Variants in LINGO2 observed in about 807,000 individuals in gnomAD.
LINGO2 encodes leucine rich repeat and Ig domain containing 2.
A neutral mutation model predicts 30.6 loss-of-function variants in LINGO2; 14 were observed. The observed-to-expected ratio is 0.46, with a 90% CI of 0.30 to 0.72. The LOEUF (loss-of-function observed/expected upper bound fraction) is 0.72, where lower values mean the gene tolerates loss of function less well. Ranked by LOEUF, LINGO2 falls within the 30% of genes least tolerant of loss-of-function variation. LINGO2 has a pLI of 0.07. For synonymous variants in LINGO2, 317 were observed against 288.5 expected (o/e 1.10, Z -1.00); for missense variants, 729 against 751.7 (o/e 0.97, Z 0.35).
rs527291685 is a variant in LINGO2, at chr9:28,416,935, G to A, written c.-278-44067C>T. ...TACCCAATTCTTTGTACTAATAAAA[G>A]AAATACATGGGTACACATATGCATT... On this transcript the variant is annotated intron_variant, in intron 2 of 5. Coordinates refer to ENST00000379992, the Ensembl canonical transcript of LINGO2. 2.2e-3 allele frequency among the ~76,000 whole-genome samples: 331 copies of A among 152,204 alleles called. 3 individuals are homozygous for A. The highest frequency in any genetic ancestry group is 7.6e-3 in the African/African-American group (317 of 41,536).
At chr9:28,278,325 CA>C (rs1188579212) in intron 4 of LINGO2, among the ~76,000 whole-genome samples, 2 of 152,186 alleles carry the variant, frequency 1.3e-5, no homozygotes, top group Non-Finnish European at 2.9e-5. Context: ...GAGATAATTA[CA>C]CCAAACAATA....
At chr9:28,889,092 T>G in the LINGO2 span, 27 of 362,184 alleles carry the variant, frequency 7.5e-5, no homozygotes, top group Admixed American at 2.7e-4. Flanking sequence ...TCAAACAGTT[T>G]TGTGGGCATC....
chr9:28,001,023 A>C (rs1270117708), intron 5 of LINGO2, among the ~76,000 whole-genome samples: 2 of 152,228 alleles, frequency 1.3e-5, no homozygotes, highest in Admixed American at 1.3e-4. Context: ...ACTACTTAAC[A>C]AATCAATCCT....
intron 1 of LINGO2, among the ~76,000 whole-genome samples, chr9:28,496,548 G>A (rs1819636880): frequency 1.3e-5 from 2 of 151,570 alleles, no homozygotes; most frequent in Admixed American, 1.3e-4. Flanking sequence ...GAGCCTATGT[G>A]TGTCTCTGCA....
chr9:28,766,565 C>G, the LINGO2 span, among the ~76,000 whole-genome samples: 1 of 151,982 alleles, frequency 6.6e-6, no homozygotes, highest in Non-Finnish European at 1.5e-5. Flanking sequence ...ACCACAATCT[C>G]TCTTCTGAAT....
At chr9:28,299,653 G>T (rs1476380124) in intron 3 of LINGO2, among the ~76,000 whole-genome samples, 2 of 152,102 alleles carry the variant, frequency 1.3e-5, no homozygotes, top group East Asian at 3.9e-4. Context: ...GAATCAGAAA[G>T]TTTAAGTTAC....
the LINGO2 span, among the ~76,000 whole-genome samples, chr9:28,870,953 G>A: frequency 6.6e-6 from 1 of 151,862 alleles, no homozygotes; most frequent in Non-Finnish European, 1.5e-5. Context: ...AAGTTGCCAT[G>A]TTTTTTTGTA....
the LINGO2 span, among the ~76,000 whole-genome samples, chr9:28,972,097 G>A: frequency 6.6e-6 from 1 of 152,214 alleles, no homozygotes; most frequent in East Asian, 1.9e-4. Flanking sequence ...TGCGCTTGGG[G>A]TGCCCCCTAA....
chr9:28,021,633 G>C (rs1253722169), intron 4 of LINGO2, among the ~76,000 whole-genome samples: 1 of 151,958 alleles, frequency 6.6e-6, no homozygotes, highest in Non-Finnish European at 1.5e-5. Flanking sequence ...ATTTCTCCTT[G>C]GAATTTTATC....
chr9:28,604,874 A>T (rs1406292604), intron 1 of LINGO2, among the ~76,000 whole-genome samples: 2 of 152,050 alleles, frequency 1.3e-5, no homozygotes, highest in African/African-American at 4.8e-5. Flanking sequence ...ATGCCACTTG[A>T]GCACTTTCTA....
At chr9:29,188,244 C>A in the LINGO2 span, among the ~76,000 whole-genome samples, 1 of 151,676 alleles carries the variant, frequency 6.6e-6, no homozygotes, top group South Asian at 2.1e-4. Flanking sequence ...TGCCTTCAAG[C>A]ATCTGTTTAA....
chr9:27,961,809 T>C (rs1005877384), intron 5 of LINGO2, among the ~76,000 whole-genome samples: 5 of 152,046 alleles, frequency 3.3e-5, no homozygotes, highest in African/African-American at 4.8e-5. Flanking sequence ...ATGGGCAAAT[T>C]CAAGAGGTAT....
At chr9:28,645,498 TA>T (rs2135950806) in intron 1 of LINGO2, among the ~76,000 whole-genome samples, 1 of 152,248 alleles carries the variant, frequency 6.6e-6, no homozygotes, top group South Asian at 2.1e-4. Context: ...AGCAATTTGA[TA>T]AAAGGCAACG....
chr9:29,140,184 C>G, the LINGO2 span, among the ~76,000 whole-genome samples: 1 of 151,692 alleles, frequency 6.6e-6, no homozygotes, highest in African/African-American at 2.4e-5. Context: ...ACAAAGAAAC[C>G]AGGAAACATT....
At chr9:28,813,179 G>A in the LINGO2 span, among the ~76,000 whole-genome samples, 44 of 152,068 alleles carry the variant, frequency 2.9e-4, no homozygotes, top group African/African-American at 9.6e-4. Flanking sequence ...GATGTCAAGT[G>A]AGAAGAAAAT....
intron 4 of LINGO2, among the ~76,000 whole-genome samples, chr9:28,094,979 T>C (rs969929866): frequency 6.6e-6 from 1 of 152,154 alleles, no homozygotes; most frequent in African/African-American, 2.4e-5. Context: ...AGTAATTAGA[T>C]GCCTCAAAAC....
chr9:29,080,409 AT>A, the LINGO2 span, among the ~76,000 whole-genome samples: 6 of 150,684 alleles, frequency 4.0e-5, no homozygotes, highest in Non-Finnish European at 7.4e-5. Context: ...GGATTCATTG[AT>A]TTTTTTTTAA....
chr9:28,560,465 A>G (rs189453894), intron 1 of LINGO2, among the ~76,000 whole-genome samples: 31 of 152,154 alleles, frequency 2.0e-4, no homozygotes, highest in Non-Finnish European at 4.0e-4. Context: ...CACTTTGCAC[A>G]TTTTAAACAT....
At chr9:28,335,911 T>C (rs1301684983) in intron 3 of LINGO2, among the ~76,000 whole-genome samples, 1 of 152,152 alleles carries the variant, frequency 6.6e-6, no homozygotes, top group East Asian at 1.9e-4. Context: ...TTCCAGGTTT[T>C]CGTGCTAACA....
Sources: allele counts gnomAD v4.1 joint callset (sites outside exome capture counted in the v4.1 genomes callset), GRCh38; gene constraint gnomAD v4.1.1; transcripts MANE v1.5; gene names NCBI Gene and HGNC (gene_info 2026-07-23, HGNC 2026-07-21).